HERC1: variants seen among roughly 807,000 people sequenced by gnomAD.
HERC1 encodes the protein HECT and RLD domain containing E3 ubiquitin protein ligase family member 1, also known as probable E3 ubiquitin-protein ligase HERC1.
A neutral mutation model predicts 554.3 loss-of-function variants in HERC1; 160 were observed. The observed-to-expected ratio is 0.29, with a 90% confidence interval of 0.25 to 0.33. The LOEUF is 0.33. Among genes scored for constraint, HERC1 ranks in the 10% least tolerant of loss-of-function variants. HERC1 has a pLI of 1.00. For synonymous variants in HERC1, 2,175 were observed against 2,131.7 expected (o/e 1.02, Z -0.56); for missense variants, 4,919 against 5,918.5 (o/e 0.83, Z 5.54).
In HERC1 at chr15:63,747,808, G is replaced by T; in HGVS notation, c.2270C>A (p.Thr757Asn). 6.8e-7 allele frequency: 1 copy of T among 1,463,816 alleles called. No homozygotes were observed. The highest frequency in any genetic ancestry group is 9.1e-7 in the Non-Finnish European group (1 of 1,103,440). The allele number at this position is 1,463,816 out of a possible 1,614,324, so 90.7% of individuals were successfully genotyped here. ...RPYCVDLEESTFSHLRSFLER... is the reference protein window; with the variant it reads ...RPYCVDLEESNFSHLRSFLER... ...AAGAAAAGAACGCAGGTGTGAGAAG[G>T]TACTCTCTTCAAGATCTACACAATA... Residue 757 changes from threonine (T) to asparagine (N), a missense_variant, in exon 11 of 78, where the codon ACC becomes AAC. Physicochemically the swap from Thr to Asn is moderately conservative, Grantham distance 65. Transcript: ENST00000443617.
Position 63,609,127 on chromosome 15 carries a change from A to G in HERC1, c.14540T>C (p.Leu4847Pro), listed in dbSNP as rs1187940459. 6.2e-7 allele frequency: 1 copy of G among 1,613,804 alleles called. No individual in the cohort carries two copies. Among genetic ancestry groups the G allele is most frequent in the Non-Finnish European group, 8.5e-7 (1 of 1,179,882 alleles). Residue 4847 changes from leucine (L) to proline (P), a missense_variant, in exon 78 of 78, where the codon CTC (leucine) becomes CCC (proline). Leu to Pro is a moderately conservative substitution (Grantham distance 98, BLOSUM62 -3). Coordinates refer to ENST00000443617, the MANE Select transcript of HERC1 (RefSeq NM_003922.4). ...CRSIDMDNYM[L>P]SRNVDNAEGS... ...CTCGGCGTTGTCCACGTTTCTCGAG[A>G]GCATGTAGTTGTCCATGTCGATTGA...
At position 63,725,528 on chromosome 15, in the gene HERC1, A is replaced by G. The variant is rs761574424; in HGVS notation, c.3347-15T>C. The G allele has an allele frequency of 1.2e-6, 2 of 1,602,186 alleles. No individual in the cohort carries two copies. The highest frequency in any genetic ancestry group is 1.3e-5 in the African/African-American group (1 of 74,674). ...TTCTGGCCCTCCTAAAGACAAAATC[A>G]TTAGTTATTGTGTCTTTATCTGGTA... On this transcript the variant is annotated splice_polypyrimidine_tract_variant and intron_variant, in intron 17 of 77. Coordinates refer to ENST00000443617, the MANE Select transcript of HERC1 (RefSeq NM_003922.4).
chr15:63,694,036 C>T lies in HERC1; in HGVS notation c.5602G>A (p.Glu1868Lys). The part of the protein sequence containing the change: ...VLHMASFGEG[E>K]QEDGEEEEKK... ...TCTTCTTCTTCACCGTCTTCTTGCT[C>T]CCCTTCTCCGAAAGAGGCCATATGT... The change falls in exon 30 of 78, where the codon GAG becomes AAG. Residue 1868 changes from glutamate to lysine, a missense_variant. Transcript: ENST00000443617. The surrounding 1 kb of genome is among the most constrained non-coding windows in gnomAD (Gnocchi z 4.3). 2 of 1,597,130 alleles carry T rather than the reference C, an allele frequency of 1.3e-6. No individual in the cohort carries two copies. Among genetic ancestry groups the T allele is most frequent in the Non-Finnish European group, 1.7e-6 (2 of 1,170,992 alleles).
chr15:63,775,249 G>A lies in HERC1; in HGVS notation c.375C>T (p.Gly125=), dbSNP rs777320636. Residue 125 remains glycine (G), a synonymous_variant, in exon 2 of 78, where the codon GGC becomes GGT. Coordinates refer to ENST00000443617, the MANE Select transcript of HERC1 (RefSeq NM_003922.4). The surrounding 1 kb of genome is among the most constrained non-coding windows in gnomAD (Gnocchi z 4.0). The part of the protein sequence containing the change: ...YALSNKYHDK[G]KVKQQQHSPE... ...GAGAATGCTGCTGCTGCTTCACCTT[G>A]CCTTTGTCATGGTATTTATTAGAAA... 63 of 1,614,006 alleles carry A rather than the reference G, an allele frequency of 3.9e-5. No individual in the cohort carries two copies. The highest frequency in any genetic ancestry group is 5.3e-5 in the Non-Finnish European group (62 of 1,179,888).
chr15:63,697,432 C>A (rs1451462258), intron 26 of HERC1, among the ~76,000 whole-genome samples: 4 of 149,590 alleles, frequency 2.7e-5, no homozygotes. Flanking sequence ...TGACTTAATA[C>A]AGGTGATGTT....
intron 10 of HERC1, among the ~76,000 whole-genome samples, chr15:63,748,802 T>C (rs2075144808): frequency 6.6e-6 from 1 of 152,120 alleles, no homozygotes; most frequent in Non-Finnish European, 1.5e-5. Flanking sequence ...TATCTGAAAA[T>C]ATCTGAAATA....
At position 63,696,299 on chromosome 15, in the gene HERC1, G is replaced by C. The variant is rs747833491; in HGVS notation, c.4946C>G (p.Ser1649Cys). 1.2e-6 allele frequency: 2 copies of C among 1,612,976 alleles called. No homozygotes were observed. Among genetic ancestry groups the C allele is most frequent in the Non-Finnish European group, 1.7e-6 (2 of 1,179,494 alleles). Reference sequence around the variant, plus strand: ...GATGCTACCTTTTTCTTCCATCCCAGACAATAGAACGAGGATCTGATGAAG... The same window carrying C: ...GATGCTACCTTTTTCTTCCATCCCACACAATAGAACGAGGATCTGATGAAG... ...EALHQILVLL[S>C]GMEEKGSISL... The change falls in exon 27 of 78, where the codon TCT becomes TGT. Residue 1649 changes from serine to cysteine, a missense_variant. Around this residue, in one of 11 missense-constraint regions of HERC1, gnomAD observed 1,121 missense variants for 1,244.0 expected, o/e 0.90. Coordinates refer to ENST00000443617, the MANE Select transcript of HERC1 (RefSeq NM_003922.4).
intron 74 of HERC1, 197 bp from the exon 75 acceptor site, chr15:63,616,879 A>T (rs1286616402): frequency 1.7e-6 from 1 of 574,806 alleles, no homozygotes; most frequent in East Asian, 2.9e-5. Flanking sequence ...AGTTCTCAAA[A>T]GCCACATGTG....
chr15:63,814,602 G>A (rs117185859), intron 1 of HERC1, among the ~76,000 whole-genome samples: 4,006 of 152,172 alleles, frequency 0.026, 77 homozygotes, highest in Non-Finnish European at 0.039. Flanking sequence ...GATTACAGGC[G>A]TGCACCATCA....
At chr15:63,779,623 G>GT (rs1377714062) in intron 1 of HERC1, 1 of 152,066 alleles carries the variant, frequency 6.6e-6, no homozygotes, top group Non-Finnish European at 1.5e-5. Flanking sequence ...CTCTATTCTG[G>GT]TCCACTTGTC....
At position 63,805,674 on chromosome 15, in the gene HERC1, C is replaced by T. The variant is rs78655579; in HGVS notation, c.-27+28153G>A. 9.2e-3 allele frequency among the ~76,000 whole-genome samples: 1,404 copies of T among 152,274 alleles called. 30 individuals carry two copies. Among genetic ancestry groups the T allele is most frequent in the African/African-American group, 0.033 (1,351 of 41,538 alleles). On this transcript the variant is annotated intron_variant, in intron 1 of 77. Coordinates refer to ENST00000443617, the MANE Select transcript of HERC1 (RefSeq NM_003922.4). Reference sequence around the variant, plus strand: ...CCAAAAACAAACAAAAGGTCAGACACTATGGCTGAGGCCTACAATCCCAGC... The same window carrying T: ...CCAAAAACAAACAAAAGGTCAGACATTATGGCTGAGGCCTACAATCCCAGC...
At chr15:63,647,316 T>G (rs951054935) in intron 55 of HERC1, among the ~76,000 whole-genome samples, 1 of 148,360 alleles carries the variant, frequency 6.7e-6, no homozygotes, top group Non-Finnish European at 1.5e-5. Flanking sequence ...CTCACCCCAG[T>G]CAGGATGGTT....
At position 63,656,095 on chromosome 15, in the gene HERC1, C is replaced by T. The variant is rs1169212807; in HGVS notation, c.9863G>A (p.Cys3288Tyr). 1 of 1,612,684 alleles carries T rather than the reference C, an allele frequency of 6.2e-7. No homozygotes were observed. Among genetic ancestry groups the T allele is most frequent in the Non-Finnish European group, 8.5e-7 (1 of 1,179,230 alleles). Residue 3288 changes from cysteine to tyrosine, a missense_variant, in exon 49 of 78, where the codon TGT becomes TAT. Physicochemically the swap from Cys to Tyr is radical, Grantham distance 194 (BLOSUM62 -2). This residue lies in a region of HERC1 where 1,963 missense variants were observed against 2,228.6 expected (regional missense o/e 0.88). Transcript: ENST00000443617. ...PSAAKLLVQL[C>Y]TQNLISAATG... The stretch of plus-strand genomic sequence containing the variant: ...GTACTGAAAGTAGCTTACCTGTGTA[C>T]ACAACTGTACAAGCAGTTTGGCAGC...
At chr15:63,783,771 T>C (rs1226465863) in intron 1 of HERC1, among the ~76,000 whole-genome samples, 1 of 152,082 alleles carries the variant, frequency 6.6e-6, no homozygotes, top group African/African-American at 2.4e-5. Context: ...CCCCAAAGAA[T>C]AAAACTCATG....
chr15:63,708,528 G>A (rs913462186), intron 24 of HERC1, among the ~76,000 whole-genome samples: 2 of 152,050 alleles, frequency 1.3e-5, no homozygotes, highest in African/African-American at 4.8e-5. Context: ...AGACTAGAAG[G>A]GTGTAGCAAG....
At position 63,696,112 on chromosome 15, in the gene HERC1, G is replaced by A. The variant is rs756304474; in HGVS notation, c.5121+12C>T. 7 of 1,579,114 alleles carry A rather than the reference G, an allele frequency of 4.4e-6. No individual in the cohort carries two copies. Among genetic ancestry groups the A allele is most frequent in the African/African-American group, 1.3e-5 (1 of 74,306 alleles). On this transcript the variant is annotated intron_variant, in intron 27 of 77. Transcript: ENST00000443617. ...CAGTTAAAATCTGTATATACTGCAA[G>A]GTGTCACCTACCTGATAGTGATGCA... is the stretch of plus-strand genomic sequence containing the variant.
At chr15:63,717,551 C>T (rs2073612366) in intron 21 of HERC1, among the ~76,000 whole-genome samples, 1 of 152,138 alleles carries the variant, frequency 6.6e-6, no homozygotes, top group South Asian at 2.1e-4. Flanking sequence ...TACTTCTGGA[C>T]TGTTCTTAAT....
At position 63,754,800 on chromosome 15, in the gene HERC1, T is replaced by C. The variant is rs74019008; in HGVS notation, c.1631-152A>G. ...ATGAAAAACACAATCATTTCTAACA[T>C]CTTCTCAATCTTCCAAGGTGCTCCT... On this transcript the variant is annotated intron_variant, in intron 6 of 77. Transcript: ENST00000443617. 0.031 allele frequency among the ~76,000 whole-genome samples: 4,749 copies of C among 152,314 alleles called. 100 individuals are homozygous for C. Among genetic ancestry groups the C allele is most frequent in the African/African-American group, 0.066 (2,726 of 41,558 alleles).
In HERC1 at chr15:63,734,612, C is replaced by G; in HGVS notation, c.2646+112G>C. On this transcript the variant is annotated intron_variant, in intron 13 of 77. Coordinates refer to ENST00000443617, the MANE Select transcript of HERC1 (RefSeq NM_003922.4). The surrounding 1 kb of genome is among the most constrained non-coding windows in gnomAD (Gnocchi z 4.6). ...AATTCTTCCAGCACAACACATTAACCCATCAAGTACTTATGCTCCAAGAAC... is the reference window on the plus strand; with the variant it reads ...AATTCTTCCAGCACAACACATTAACGCATCAAGTACTTATGCTCCAAGAAC... 1.2e-6 allele frequency: 1 copy of G among 811,088 alleles called. No individual in the cohort carries two copies. The allele number at this position is 811,088 out of a possible 1,614,324, so 50.2% of individuals were successfully genotyped here. A position where few individuals can be genotyped will look rare whatever the true frequency, so the allele number is the denominator to read the frequency against.
Sources: allele counts gnomAD v4.1 joint callset (sites outside exome capture counted in the v4.1 genomes callset), GRCh38; gene constraint gnomAD v4.1.1; regional missense constraint gnomAD v4.1.1; non-coding constraint Gnocchi (gnomAD v3.1); transcripts MANE v1.5; gene names NCBI Gene and HGNC (gene_info 2026-07-23, HGNC 2026-07-21).